The following INPP5A variants were observed in gnomAD, a reference collection of about 807,000 sequenced individuals.
INPP5A encodes 43 kDa inositol polyphosphate 5-phophatase.
Under a neutral mutation model 65.2 loss-of-function variants are expected in INPP5A, and 14 were observed. That is an observed-to-expected ratio of 0.21 (90% CI 0.14 to 0.34). The LOEUF is 0.34. Among genes scored for constraint, INPP5A ranks in the 10% least tolerant of loss-of-function variants. The pLI is 1.00. For synonymous variants in INPP5A, 207 were observed against 208.3 expected, an observed-to-expected ratio of 0.99 and a Z score of 0.05; for missense variants, 431 against 545.6, an observed-to-expected ratio of 0.79 and a Z score of 2.09.
At chr10:132,608,447 G>A (rs2071892353) in intron 2 of INPP5A, among the ~76,000 whole-genome samples, 1 of 152,246 alleles carries the variant, frequency 6.6e-6, no homozygotes. Context: ...TATGGGGCCG[G>A]TGTTTATGGA....
At chr10:132,662,375 C>T (rs2072748055) in intron 4 of INPP5A, among the ~76,000 whole-genome samples, 1 of 152,134 alleles carries the variant, frequency 6.6e-6, no homozygotes, top group Admixed American at 6.5e-5. Context: ...ATAGCCAAAA[C>T]CTGTCAACAG....
At chr10:132,684,302 A>G (rs1469747941) in intron 4 of INPP5A, among the ~76,000 whole-genome samples, 1 of 152,200 alleles carries the variant, frequency 6.6e-6, no homozygotes, top group African/African-American at 2.4e-5. Context: ...TTGTATTCTC[A>G]TGCCTGTCTC....
At chr10:132,646,927 G>A (rs1292955425) in intron 3 of INPP5A, among the ~76,000 whole-genome samples, 1 of 152,170 alleles carries the variant, frequency 6.6e-6, no homozygotes, top group African/African-American at 2.4e-5. Context: ...GAGCCCTCCC[G>A]GCCTGGTGCC....
chr10:132,710,412 G>A lies in INPP5A; in HGVS notation c.603G>A (p.Val201=), dbSNP rs1380938438. The change falls in exon 8 of 16, where the codon GTG becomes GTA. Residue 201 remains valine (V), a synonymous_variant. Coordinates refer to ENST00000368594, the MANE Select transcript of INPP5A (RefSeq NM_005539.5). ...TCGCCTGGGAAACAAGCCCTTCCGT[G>A]TACTCGGGAATCCGGCACAAGGCAC... ...NLVAWETSPS[V]YSGIRHKALG... 2 of 1,613,976 alleles carry A rather than the reference G, an allele frequency of 1.2e-6. No homozygotes were observed. Among genetic ancestry groups the A allele is most frequent in the Admixed American group, 3.3e-5 (2 of 60,008 alleles).
At position 132,545,038 on chromosome 10, in the gene INPP5A, G is replaced by A. The variant is rs1389275478; in HGVS notation, c.75+6867G>A. On this transcript the variant is annotated intron_variant, in intron 1 of 15. Transcript: ENST00000368594. This position sits in a 1 kb window ranked among gnomAD's most constrained non-coding sequence, Gnocchi z 4.6. ...GTTGGGAGAATGTCTGCACGTAGGC[G>A]TGGTCACGTCCGTCCCTGTTGCCTG... Among the ~76,000 whole-genome samples, 1 of 152,164 alleles carries A rather than the reference G, an allele frequency of 6.6e-6. No individual in the cohort carries two copies. The highest frequency in any genetic ancestry group is 1.9e-4 in the East Asian group (1 of 5,188).
chr10:132,682,035 GAGAGCGGGAAGGGA>G (rs1246696617), intron 4 of INPP5A, among the ~76,000 whole-genome samples: 28 of 152,304 alleles, frequency 1.8e-4, no homozygotes, highest in East Asian at 1.4e-3. Context: ...AGGGGCTGGG[GAGAGCGGGAAGGGA>G]AGAGCGGGAA....
In INPP5A at chr10:132,711,497, C is replaced by G. The variant is rs945086404; in HGVS notation, c.647+1041C>G. 1.1e-4 allele frequency among the ~76,000 whole-genome samples: 17 copies of G among 152,318 alleles called. 2 individuals are homozygous for G. Among genetic ancestry groups the G allele is most frequent in the Admixed American group, 5.9e-4 (9 of 15,302 alleles). On this transcript the variant is annotated intron_variant, in intron 8 of 15. Transcript: ENST00000368594. ...GCAGTGATGAACACAGGCCTGAGACCAGCAGTTCTGCCCTGGGGTGGTCCC... is the reference window on the plus strand; with the variant it reads ...GCAGTGATGAACACAGGCCTGAGACGAGCAGTTCTGCCCTGGGGTGGTCCC...
At chr10:132,728,143 T>C (rs1004567394) in intron 9 of INPP5A, among the ~76,000 whole-genome samples, 1 of 152,232 alleles carries the variant, frequency 6.6e-6, no homozygotes, top group Non-Finnish European at 1.5e-5. Flanking sequence ...GCTGGTGGCA[T>C]TGCCTAAACG....
intron 11 of INPP5A, among the ~76,000 whole-genome samples, chr10:132,761,573 C>G (rs1361162612): frequency 6.6e-6 from 1 of 151,034 alleles, no homozygotes; most frequent in Non-Finnish European, 1.5e-5. Context: ...TGGTGGGGGA[C>G]AGCACGGTGG....
Position 132,546,068 on chromosome 10 carries a change from G to A in INPP5A, c.75+7897G>A, listed in dbSNP as rs531760019. On this transcript the variant is annotated intron_variant, in intron 1 of 15. Coordinates refer to ENST00000368594, the MANE Select transcript of INPP5A (RefSeq NM_005539.5). This position sits in a 1 kb window ranked among gnomAD's most constrained non-coding sequence, Gnocchi z 5.7. ...CACCGTTGTGTTGGGATGAGTGGCC[G>A]AGGCGTCTGGGGACGTCCTGGAGCC... Among the ~76,000 whole-genome samples, 62 of 152,316 alleles carry A rather than the reference G, an allele frequency of 4.1e-4. No individual in the cohort carries two copies. The highest frequency in any genetic ancestry group is 8.1e-4 in the Non-Finnish European group (55 of 68,028).
intron 8 of INPP5A, among the ~76,000 whole-genome samples, chr10:132,724,061 A>G (rs1313069801): frequency 6.6e-6 from 1 of 152,232 alleles, no homozygotes; most frequent in Non-Finnish European, 1.5e-5. Flanking sequence ...ATAGCAATTA[A>G]CAGGCAAGAG....
intron 1 of INPP5A, among the ~76,000 whole-genome samples, chr10:132,591,362 G>A (rs1243799314): frequency 6.6e-6 from 1 of 152,144 alleles, no homozygotes; most frequent in Non-Finnish European, 1.5e-5. Context: ...GGCTGGGCGG[G>A]GCGGGCCGCT....
chr10:132,564,323 T>G (rs1207705119), intron 1 of INPP5A, among the ~76,000 whole-genome samples: 1 of 152,114 alleles, frequency 6.6e-6, no homozygotes, highest in Admixed American at 6.5e-5. Flanking sequence ...GTTGGACTTC[T>G]CCCTCCACCC....
chr10:132,571,359 G>A (rs760480875), intron 1 of INPP5A, among the ~76,000 whole-genome samples: 8 of 152,186 alleles, frequency 5.3e-5, no homozygotes, highest in Admixed American at 3.9e-4. Context: ...CTGCTGGCAC[G>A]CCGGGCTCTG....
At chr10:132,671,959 T>C (rs1283137342) in intron 4 of INPP5A, among the ~76,000 whole-genome samples, 4 of 152,154 alleles carry the variant, frequency 2.6e-5, no homozygotes, top group South Asian at 4.1e-4. Flanking sequence ...GGGGTGGTGC[T>C]CAGGGTGGAC....
Position 132,707,083 on chromosome 10 carries a change from G to A in INPP5A, c.475-1230G>A, listed in dbSNP as rs1340496553. 2.0e-5 allele frequency among the ~76,000 whole-genome samples: 3 copies of A among 152,238 alleles called. No homozygotes were observed. The highest frequency in any genetic ancestry group is 6.5e-5 in the Admixed American group (1 of 15,292). On this transcript the variant is annotated intron_variant, in intron 6 of 15. Coordinates refer to ENST00000368594, the MANE Select transcript of INPP5A (RefSeq NM_005539.5). The surrounding 1 kb of genome is among the most constrained non-coding windows in gnomAD (Gnocchi z 5.5). ...TCTCCGTGTTAGATAGAGGGAGCAC[G>A]CCACGCTGGACCCTTTCTTCACGGG...
Position 132,678,952 on chromosome 10 carries a change from G to A in INPP5A, c.307-11440G>A, listed in dbSNP as rs1397930394. ...GGGCGCAGCCTCCTCAGGCCCAGAT[G>A]GCCAATGGGGCTGGAGCTCTGTCAG... is the stretch of plus-strand genomic sequence containing the variant. On this transcript the variant is annotated intron_variant, in intron 4 of 15. Coordinates refer to ENST00000368594, the MANE Select transcript of INPP5A (RefSeq NM_005539.5). This position sits in a 1 kb window ranked among gnomAD's most constrained non-coding sequence, Gnocchi z 4.1. 1.3e-5 allele frequency among the ~76,000 whole-genome samples: 2 copies of A among 152,348 alleles called. No individual in the cohort carries two copies. Among genetic ancestry groups the A allele is most frequent in the South Asian group, 4.2e-4 (2 of 4,818 alleles).
intron 1 of INPP5A, among the ~76,000 whole-genome samples, chr10:132,597,422 G>A (rs1339505616): frequency 1.3e-5 from 2 of 152,126 alleles, no homozygotes; most frequent in Non-Finnish European, 1.5e-5. Flanking sequence ...TCTTCATTGA[G>A]GATATTGTGG....
At position 132,641,002 on chromosome 10, in the gene INPP5A, G is replaced by C. The variant is rs1590887558; in HGVS notation, c.118-4866G>C. Among the ~76,000 whole-genome samples the C allele has an allele frequency of 1.3e-5, 2 of 152,346 alleles. 1 individual carries two copies. The highest frequency in any genetic ancestry group is 3.9e-4 in the East Asian group (2 of 5,190). The stretch of plus-strand genomic sequence containing the variant: ...CGTTACAGCTTTCATCGGGAGGCAT[G>C]TACTCTGTTCACCCCTCTGTCTGTG... On this transcript the variant is annotated intron_variant, in intron 2 of 15. Transcript: ENST00000368594.
Sources: gnomAD v4.1 joint callset for allele counts (sites outside exome capture counted in the v4.1 genomes callset) on GRCh38, gnomAD v4.1.1 for gene constraint, Gnocchi (gnomAD v3.1) non-coding constraint, MANE v1.5 for transcripts, NCBI Gene and HGNC (gene_info 2026-07-23, HGNC 2026-07-21) for gene names.